DPYSL3: variants seen among roughly 807,000 people sequenced by gnomAD.
DPYSL3 encodes the protein dihydropyrimidinase-related protein 3.
In DPYSL3, 16 loss-of-function variants were observed where a neutral mutation model predicts 66.1. The observed-to-expected ratio is 0.24, with a 90% confidence interval of 0.16 to 0.37. The LOEUF (loss-of-function observed/expected upper bound fraction) is 0.37. DPYSL3 is among the 10% of genes least tolerant of loss of function. The probability of loss-of-function intolerance (pLI) is 1.00; values close to 1 mark genes in which losing one functional copy is unlikely to be tolerated. For missense variants in DPYSL3, 738 were observed against 916.2 expected (o/e 0.81, Z 2.51); for synonymous variants, 338 against 345.1 (o/e 0.98, Z 0.23).
intron 1 of DPYSL3, among the ~76,000 whole-genome samples, chr5:147,430,941 T>G (rs1335374863): frequency 1.3e-5 from 2 of 152,096 alleles, no homozygotes; most frequent in African/African-American, 4.8e-5. Flanking sequence ...AAAGAGGATA[T>G]AAAATGAAGG....
At chr5:147,398,984 TCTAA>T (rs1463005613) in intron 11 of DPYSL3, 94 bp downstream of exon 11, 14 of 1,490,002 alleles carry the variant, frequency 9.4e-6, no homozygotes, top group Non-Finnish European at 1.3e-5. Flanking sequence ...CCCGTCCTAG[TCTAA>T]CTACCCTGGC....
intron 1 of DPYSL3, among the ~76,000 whole-genome samples, chr5:147,426,213 G>A (rs1057089490): frequency 2.0e-5 from 3 of 152,138 alleles, no homozygotes; most frequent in African/African-American, 7.2e-5. Context: ...TCTTTTCAGG[G>A]AAGAGCAATT....
At chr5:147,397,526 T>C (rs1758025979) in intron 12 of DPYSL3, 140 bp downstream of exon 12, 1 of 930,436 alleles carries the variant, frequency 1.1e-6, no homozygotes, top group East Asian at 2.6e-5. Context: ...GTCTGTGTAG[T>C]TGTTCTTGGG....
intron 3 of DPYSL3, among the ~76,000 whole-genome samples, chr5:147,416,203 T>C (rs917529924): frequency 1.1e-4 from 16 of 152,172 alleles, no homozygotes; most frequent in African/African-American, 3.9e-4. Flanking sequence ...AAGTACTTCA[T>C]CTAATGCCTG....
chr5:147,391,719 C>T lies in DPYSL3; in HGVS notation c.*2316G>A, dbSNP rs995720042. ...AATAGTGGGAGTTATTCTCGCAATT[C>T]CCAGGGATTTCTATGCTTGGAGAGT... is the stretch of plus-strand genomic sequence containing the variant. On this transcript the variant is annotated 3_prime_UTR_variant, in exon 14 of 14. Coordinates refer to ENST00000343218, the MANE Select transcript of DPYSL3 (RefSeq NM_001197294.2). 16 of 152,140 alleles carry T rather than the reference C, an allele frequency of 1.1e-4. No homozygotes were observed. Among genetic ancestry groups the T allele is most frequent in the African/African-American group, 3.9e-4 (16 of 41,434 alleles). The allele number at this position is 152,140 out of a possible 1,614,324, so 9.4% of individuals were successfully genotyped here.
At chr5:147,439,149 A>G (rs1264358271) in intron 1 of DPYSL3, among the ~76,000 whole-genome samples, 2 of 152,268 alleles carry the variant, frequency 1.3e-5, no homozygotes, top group Admixed American at 6.5e-5. Context: ...TACTATTGAT[A>G]CAATAGTGAA....
rs909423927 is a variant in DPYSL3, at chr5:147,393,969, G to A, written c.*66C>T. On this transcript the variant is annotated 3_prime_UTR_variant, in exon 14 of 14. Transcript: ENST00000343218. ...GGATTCGCTTTCCTTCTTAAATATC[G>A]GTGTACCATTTTGGCTTCAAAACAA... 1.1e-5 allele frequency: 16 copies of A among 1,484,696 alleles called. No homozygotes were observed. In the African/African-American group the frequency reaches 1.5e-4, roughly 14 times the overall value. 92.0% of individuals were successfully genotyped at this position (1,484,696 alleles called of 1,614,324 possible).
At chr5:147,426,333 T>C (rs2126334153) in intron 1 of DPYSL3, among the ~76,000 whole-genome samples, 1 of 152,112 alleles carries the variant, frequency 6.6e-6, no homozygotes, top group East Asian at 1.9e-4. Flanking sequence ...AAGCTCAATG[T>C]GGAAGGAGCT....
intron 1 of DPYSL3, among the ~76,000 whole-genome samples, chr5:147,456,703 G>A (rs571401488): frequency 9.7e-4 from 139 of 142,698 alleles, no homozygotes; most frequent in African/African-American, 2.6e-3. Context: ...CAATTCTCCC[G>A]CCTCATCCTC....
intron 2 of DPYSL3, among the ~76,000 whole-genome samples, chr5:147,420,412 T>C: frequency 6.6e-6 from 1 of 152,226 alleles, no homozygotes; most frequent in East Asian, 1.9e-4. Flanking sequence ...AATATAATAC[T>C]TGATATGCCA....
chr5:147,419,161 C>A (rs987229306), intron 2 of DPYSL3, among the ~76,000 whole-genome samples: 2 of 151,928 alleles, frequency 1.3e-5, no homozygotes, highest in African/African-American at 2.4e-5. Flanking sequence ...TAAGTCTTCA[C>A]TCCCAATTCC....
chr5:147,452,355 G>T (rs751162333), intron 1 of DPYSL3, among the ~76,000 whole-genome samples: 6 of 151,774 alleles, frequency 4.0e-5, no homozygotes, highest in African/African-American at 1.5e-4. Flanking sequence ...TCTGCCCTAG[G>T]GCGGCTGCAG....
intron 4 of DPYSL3, 27 bp downstream of exon 4, chr5:147,415,682 G>A (rs370847282): frequency 2.3e-5 from 37 of 1,608,048 alleles, no homozygotes; most frequent in African/African-American, 6.7e-5. Flanking sequence ...GCTAAGAGAG[G>A]AGGGAGGACG....
chr5:147,404,194 T>C (rs1282545655), intron 8 of DPYSL3, among the ~76,000 whole-genome samples: 1 of 152,148 alleles, frequency 6.6e-6, no homozygotes, highest in Non-Finnish European at 1.5e-5. Flanking sequence ...CAATGACTCA[T>C]ACCCAGTGGA....
rs778502005 is a variant in DPYSL3 at position 147,394,090 on chromosome 5, C to A, written c.2000G>T (p.Ser667Ile). The A allele has an allele frequency of 6.2e-7, 1 of 1,614,164 alleles. No individual in the cohort carries two copies. The highest frequency in any genetic ancestry group is 8.5e-7 in the Non-Finnish European group (1 of 1,180,022). Residue 667 changes from serine (S) to isoleucine (I), a missense_variant, in exon 14 of 14, where the codon AGC becomes ATC. By Grantham distance (142) the Ser-to-Ile change is moderately radical. Transcript: ENST00000343218. ...GCCTGGGGGCGCCACGATGCGCTTG[C>A]TGGCTGAGCGAACCCCCTCATCCAC... ...TQVDEGVRSA[S>I]KRIVAPPGGR...
rs1272022180 is a variant in DPYSL3, at chr5:147,399,226, C to A, written c.1479G>T (p.Gln493His). ...AVATGKMDEN[Q>H]FVAVTSTNAA... ...CGTTTGTGCTTGTCACAGCCACGAACTGGTTTTCGTCCATTTTCCCTGTGG... is the reference window on the plus strand; with the variant it reads ...CGTTTGTGCTTGTCACAGCCACGAAATGGTTTTCGTCCATTTTCCCTGTGG... Residue 493 changes from glutamine (Q) to histidine (H), a missense_variant, in exon 11 of 14, where the codon CAG (glutamine) becomes CAT (histidine). Transcript: ENST00000343218. 6.2e-7 allele frequency: 1 copy of A among 1,614,174 alleles called. No individual in the cohort carries two copies. Among genetic ancestry groups the A allele is most frequent in the South Asian group, 1.1e-5 (1 of 91,082 alleles).
chr5:147,494,466 G>C (rs1375851299), intron 1 of DPYSL3, among the ~76,000 whole-genome samples: 2 of 151,740 alleles, frequency 1.3e-5, no homozygotes, highest in Non-Finnish European at 1.5e-5. Flanking sequence ...CAATAAAATA[G>C]ATATGTCTCT....
intron 7 of DPYSL3, among the ~76,000 whole-genome samples, chr5:147,406,463 C>A (rs1332059238): frequency 6.6e-6 from 1 of 152,136 alleles, no homozygotes; most frequent in Non-Finnish European, 1.5e-5. Flanking sequence ...CATTGCACAA[C>A]CTCCCAAAGC....
At chr5:147,497,670 GA>G in intron 1 of DPYSL3, among the ~76,000 whole-genome samples, 1 of 150,580 alleles carries the variant, frequency 6.6e-6, no homozygotes. Flanking sequence ...AATAGATACT[GA>G]AAAAGCATTT....
Sources: gnomAD v4.1 joint callset for allele counts (sites outside exome capture counted in the v4.1 genomes callset) on GRCh38, gnomAD v4.1.1 for gene constraint, MANE v1.5 for transcripts, NCBI Gene and HGNC (gene_info 2026-07-23, HGNC 2026-07-21) for gene names.